The following DCLK2 variants were observed in gnomAD, a reference collection of about 807,000 sequenced individuals.
DCLK2 encodes doublecortin like kinase 2.
A neutral mutation model predicts 78.4 loss-of-function variants in DCLK2; 31 were observed. The observed-to-expected ratio is 0.40, with a 90% CI of 0.30 to 0.53. DCLK2 has a LOEUF of 0.53. Ranked by LOEUF, DCLK2 falls within the 20% of genes least tolerant of loss-of-function variation. DCLK2 has a pLI of 0.61. For synonymous variants in DCLK2, 407 were observed against 374.9 expected, an observed-to-expected ratio of 1.09 and a Z score of -0.99; for missense variants, 872 against 973.7, an observed-to-expected ratio of 0.90 and a Z score of 1.39.
intron 1 of DCLK2, among the ~76,000 whole-genome samples, chr4:150,089,082 C>CAAAATCTGAAAA (rs78590361): frequency 0.38 from 57,266 of 151,736 alleles, 11,005 homozygotes; most frequent in Non-Finnish European, 0.42. Flanking sequence ...GCAGATATTC[C>CAAAATCTGAAAA]AAAATCTGAA....
chr4:150,217,909 T>C (rs572139523), intron 5 of DCLK2, among the ~76,000 whole-genome samples: 2 of 152,366 alleles, frequency 1.3e-5, no homozygotes, highest in Admixed American at 1.3e-4. Flanking sequence ...AAAATATTAA[T>C]TTGACAGCTT....
At chr4:150,178,949 ATAC>A (rs1454512233) in intron 2 of DCLK2, among the ~76,000 whole-genome samples, 2 of 152,250 alleles carry the variant, frequency 1.3e-5, no homozygotes, top group Non-Finnish European at 2.9e-5. Flanking sequence ...TTGATACAAG[ATAC>A]ATCTTGTCTT....
chr4:150,166,746 T>C lies in DCLK2; in HGVS notation c.757-26392T>C, dbSNP rs1736112304. On this transcript the variant is annotated intron_variant, in intron 2 of 15. Coordinates refer to ENST00000296550, the MANE Select transcript of DCLK2 (RefSeq NM_001040260.4). Reference sequence around the variant, plus strand: ...CACTCCAAGCAGTGATTAAGTCCTTTTTGTTCATGCAATCTTTGTGCACTG... The same window carrying C: ...CACTCCAAGCAGTGATTAAGTCCTTCTTGTTCATGCAATCTTTGTGCACTG... 3.9e-5 allele frequency among the ~76,000 whole-genome samples: 5 copies of C among 129,492 alleles called. No homozygotes were observed. In the South Asian group the frequency reaches 1.7e-3, roughly 45 times the overall value. The allele number at this position is 129,492 out of a possible 152,430, so 85.0% of individuals were successfully genotyped here.
At chr4:150,195,297 ATTATATATTATATTATATATTATATT>A (rs1738848602) in intron 3 of DCLK2, among the ~76,000 whole-genome samples, 1 of 7,846 alleles carries the variant, frequency 1.3e-4, no homozygotes, top group African/African-American at 2.9e-4. Flanking sequence ...TATATTATAT[ATTATATATTATATTATATATTATATT>A]ATATATTATA....
At chr4:150,162,336 T>G (rs7438777) in intron 2 of DCLK2, among the ~76,000 whole-genome samples, 29,212 of 152,094 alleles carry the variant, frequency 0.19, 2,999 homozygotes, top group Non-Finnish European at 0.23. Context: ...CCAGCCTGAT[T>G]TATTTTTAAT....
chr4:150,081,997 C>CAAAAAA (rs1216080802), intron 1 of DCLK2, among the ~76,000 whole-genome samples: 1 of 60,174 alleles, frequency 1.7e-5, no homozygotes, highest in Admixed American at 1.8e-4. Context: ...GACTCTGTCT[C>CAAAAAA]AAAAAAAAAA....
At chr4:150,180,220 T>C (rs1318896137) in intron 2 of DCLK2, among the ~76,000 whole-genome samples, 1 of 152,250 alleles carries the variant, frequency 6.6e-6, no homozygotes, top group Non-Finnish European at 1.5e-5. Flanking sequence ...TGTATGACTT[T>C]GCACAAGTTA....
chr4:150,206,630 G>A (rs572368418), intron 5 of DCLK2, among the ~76,000 whole-genome samples: 32 of 152,134 alleles, frequency 2.1e-4, no homozygotes, highest in Non-Finnish European at 3.7e-4. Context: ...TTAACTTGCC[G>A]AAAAACCTAA....
At chr4:150,235,015 C>T (rs1742384056) in intron 10 of DCLK2, among the ~76,000 whole-genome samples, 1 of 152,162 alleles carries the variant, frequency 6.6e-6, no homozygotes, top group Non-Finnish European at 1.5e-5. Context: ...TAAGGATACC[C>T]CCTTGACTGC....
At chr4:150,234,592 T>C (rs1291893934) in intron 10 of DCLK2, among the ~76,000 whole-genome samples, 1 of 152,212 alleles carries the variant, frequency 6.6e-6, no homozygotes, top group East Asian at 1.9e-4. Context: ...GCTAATCTAA[T>C]CCAGAGTACC....
At chr4:150,224,581 T>C in intron 8 of DCLK2, 23 bp downstream of exon 8, 1 of 1,589,810 alleles carries the variant, frequency 6.3e-7, no homozygotes, top group Non-Finnish European at 8.5e-7. Flanking sequence ...TAACCCCTAG[T>C]TCTGAAAGAA....
At chr4:150,142,872 A>G (rs11947423) in intron 2 of DCLK2, among the ~76,000 whole-genome samples, 44,115 of 150,882 alleles carry the variant, frequency 0.29, 7,641 homozygotes, top group East Asian at 0.4. Flanking sequence ...GGTATGTTGT[A>G]TAATGGTGGG....
At chr4:150,195,052 C>T (rs1738758859) in intron 3 of DCLK2, among the ~76,000 whole-genome samples, 1 of 143,946 alleles carries the variant, frequency 6.9e-6, no homozygotes, top group Non-Finnish European at 1.5e-5. Flanking sequence ...CTGGAAAGTC[C>T]TTAATTATAG....
chr4:150,112,441 A>G (rs1481733568), intron 2 of DCLK2, among the ~76,000 whole-genome samples: 1 of 152,186 alleles, frequency 6.6e-6, no homozygotes, highest in Non-Finnish European at 1.5e-5. Context: ...GCCCTTGGCT[A>G]GGACTTCCAG....
intron 2 of DCLK2, among the ~76,000 whole-genome samples, chr4:150,185,297 A>AC (rs1185560572): frequency 1.3e-5 from 2 of 151,926 alleles, no homozygotes; most frequent in African/African-American, 4.8e-5. Context: ...CAGGGGGACC[A>AC]CCCCCATGAT....
intron 1 of DCLK2, among the ~76,000 whole-genome samples, chr4:150,087,628 T>C (rs150005052): frequency 6.6e-6 from 1 of 152,312 alleles, no homozygotes; most frequent in African/African-American, 2.4e-5. Context: ...TGTAGAAATA[T>C]GATTGGACAA....
At chr4:150,119,342 TC>T (rs1732354006) in intron 2 of DCLK2, among the ~76,000 whole-genome samples, 1 of 152,210 alleles carries the variant, frequency 6.6e-6, no homozygotes, top group Admixed American at 6.5e-5. Flanking sequence ...ATGCTTTAGA[TC>T]ATTGTCTTTC....
chr4:150,130,875 A>G (rs1267196480), intron 2 of DCLK2, among the ~76,000 whole-genome samples: 1 of 152,060 alleles, frequency 6.6e-6, no homozygotes, highest in Non-Finnish European at 1.5e-5. Flanking sequence ...AAGCTTCTTC[A>G]TTGCTGTTTA....
rs767301535 is a variant in DCLK2, at chr4:150,239,703, A to G, written c.1567-39A>G. Reference sequence around the variant, plus strand: ...AGAGCCCTCTCACAATTGTTGAGGAAAAAAAAATCTTCTGATTGTTGGCTG... The same window carrying G: ...AGAGCCCTCTCACAATTGTTGAGGAGAAAAAAATCTTCTGATTGTTGGCTG... On this transcript the variant is annotated intron_variant, in intron 10 of 15. Transcript: ENST00000296550. 1.0e-5 allele frequency: 16 copies of G among 1,607,466 alleles called. No homozygotes were observed. In the Admixed American group the frequency reaches 2.7e-4, roughly 27 times the overall value.
Sources: allele counts gnomAD v4.1 joint callset (sites outside exome capture counted in the v4.1 genomes callset), GRCh38; gene constraint gnomAD v4.1.1; transcripts MANE v1.5; gene names NCBI Gene and HGNC (gene_info 2026-07-23, HGNC 2026-07-21).